The following ASTN2 variants were observed in gnomAD, a reference collection of about 807,000 sequenced individuals.
ASTN2 encodes the protein astrotactin 2.
In ASTN2, 54 loss-of-function variants were observed where a neutral mutation model predicts 139.8. The observed-to-expected ratio is 0.39, with a 90% confidence interval of 0.31 to 0.48. ASTN2 has a LOEUF of 0.48. Ranked by LOEUF, ASTN2 falls within the 20% of genes least tolerant of loss-of-function variation. The pLI, the probability that ASTN2 is intolerant of heterozygous loss-of-function variation, is 0.95. For synonymous variants in ASTN2, 756 were observed against 719.5 expected, an observed-to-expected ratio of 1.05 and a Z score of -0.81; for missense variants, 1,565 against 1,725.1, an observed-to-expected ratio of 0.91 and a Z score of 1.64.
intron 10 of ASTN2, 79 bp downstream of exon 10, chr9:116,975,129 G>T (rs1836308769): frequency 7.1e-7 from 1 of 1,412,810 alleles, no homozygotes; most frequent in South Asian, 1.7e-5. Context: ...ACTCCTTAGG[G>T]GTTCCTGTGG....
At chr9:116,915,409 C>G (rs999966064) in intron 10 of ASTN2, among the ~76,000 whole-genome samples, 2 of 151,998 alleles carry the variant, frequency 1.3e-5, no homozygotes, top group African/African-American at 4.8e-5. Context: ...CATAGAGCTC[C>G]CAAAACCCTT....
chr9:116,535,186 C>G (rs1201131902), intron 19 of ASTN2, among the ~76,000 whole-genome samples: 2 of 152,114 alleles, frequency 1.3e-5, no homozygotes, highest in Non-Finnish European at 2.9e-5. Flanking sequence ...ATTGCAACCT[C>G]TGCCTTTTTG....
At chr9:117,337,152 A>C (rs1426578577) in intron 1 of ASTN2, among the ~76,000 whole-genome samples, 1 of 152,232 alleles carries the variant, frequency 6.6e-6, no homozygotes, top group Non-Finnish European at 1.5e-5. Context: ...AAAATCACAC[A>C]TACCCTATGG....
At chr9:117,364,587 C>T (rs889493263) in intron 1 of ASTN2, among the ~76,000 whole-genome samples, 2 of 152,032 alleles carry the variant, frequency 1.3e-5, no homozygotes, top group African/African-American at 4.8e-5. Context: ...AGCTGAAGAG[C>T]GGGGTTTAAA....
chr9:116,633,523 T>C (rs1421509829), intron 17 of ASTN2, among the ~76,000 whole-genome samples: 1 of 152,232 alleles, frequency 6.6e-6, no homozygotes, highest in Non-Finnish European at 1.5e-5. Flanking sequence ...TCGTCTTTCC[T>C]GTGGTGAGAA....
intron 14 of ASTN2, among the ~76,000 whole-genome samples, chr9:116,731,786 C>T (rs1226546511): frequency 6.6e-6 from 1 of 152,150 alleles, no homozygotes; most frequent in East Asian, 1.9e-4. Context: ...AAGGACATAC[C>T]AGGATCAATG....
intron 16 of ASTN2, among the ~76,000 whole-genome samples, chr9:116,725,106 T>C (rs1170110073): frequency 1.3e-5 from 2 of 152,172 alleles, no homozygotes; most frequent in Non-Finnish European, 1.5e-5. Context: ...CAGACAAGAA[T>C]AGCTACTTAC....
intron 10 of ASTN2, among the ~76,000 whole-genome samples, chr9:116,955,671 C>A (rs1001607255): frequency 3.9e-5 from 6 of 152,200 alleles, no homozygotes; most frequent in Admixed American, 6.5e-5. Context: ...AGATTTGAAC[C>A]TCCTGCTGCT....
At position 116,511,296 on chromosome 9, in the gene ASTN2, G is replaced by A. The variant is rs548284739; in HGVS notation, c.3356-23796C>T. ...TTGTCATTGGTTCTGTTTATATGCT[G>A]GATTATGTTTATTGATTTGCATATG... On this transcript the variant is annotated intron_variant, in intron 19 of 22. Coordinates refer to ENST00000313400, the MANE Select transcript of ASTN2 (RefSeq NM_001365068.1). 2.6e-5 allele frequency among the ~76,000 whole-genome samples: 4 copies of A among 152,216 alleles called. No homozygotes were observed. In the East Asian group the frequency reaches 5.8e-4, roughly 22 times the overall value.
intron 3 of ASTN2, among the ~76,000 whole-genome samples, chr9:117,208,326 C>T (rs887328552): frequency 2.0e-5 from 3 of 151,212 alleles, no homozygotes; most frequent in Admixed American, 6.6e-5. Flanking sequence ...AAGAACCAAA[C>T]AGGAACAAAG....
At chr9:116,694,678 A>G (rs2132060882) in intron 16 of ASTN2, among the ~76,000 whole-genome samples, 1 of 141,944 alleles carries the variant, frequency 7.0e-6, no homozygotes, top group South Asian at 2.3e-4. Context: ...TCACCGTCTT[A>G]GCCAGGATGG....
At chr9:117,221,608 T>C (rs1832520364) in intron 2 of ASTN2, among the ~76,000 whole-genome samples, 1 of 145,152 alleles carries the variant, frequency 6.9e-6, no homozygotes, top group African/African-American at 2.5e-5. Context: ...AACATGCATA[T>C]TCTCTCAAGT....
intron 10 of ASTN2, among the ~76,000 whole-genome samples, chr9:116,936,180 C>CA (rs1264052454): frequency 1.4e-5 from 2 of 139,154 alleles, no homozygotes; most frequent in Admixed American, 7.2e-5. Context: ...CCAACACCAT[C>CA]GCCACCACCA....
chr9:116,703,952 T>G (rs1432490107), intron 16 of ASTN2, among the ~76,000 whole-genome samples: 1 of 152,176 alleles, frequency 6.6e-6, no homozygotes, highest in Non-Finnish European at 1.5e-5. Context: ...TGTAGCAAAA[T>G]ATACACTTAG....
In ASTN2 at chr9:117,096,115, C is replaced by A. The variant is rs1158073947; in HGVS notation, c.1205G>T (p.Gly402Val). 1.2e-6 allele frequency: 2 copies of A among 1,613,946 alleles called. No homozygotes were observed. The highest frequency in any genetic ancestry group is 2.2e-5 in the East Asian group (1 of 44,876). Reference sequence around the variant, plus strand: ...CTGAGTTTCATCGTCTGCCTCTGAGCCCGACGTCCCCTTGGCTCTCCCAAA... The same window carrying A: ...CTGAGTTTCATCGTCTGCCTCTGAGACCGACGTCCCCTTGGCTCTCCCAAA... Reference protein sequence around the residue: ...ISFGRAKGTSGSEADDETQLT... With the variant: ...ISFGRAKGTSVSEADDETQLT... The change falls in exon 5 of 23, where the codon GGC becomes GTC. Residue 402 changes from glycine to valine, a missense_variant. Coordinates refer to ENST00000313400, the MANE Select transcript of ASTN2 (RefSeq NM_001365068.1).
intron 16 of ASTN2, among the ~76,000 whole-genome samples, chr9:116,719,760 C>T (rs115493383): frequency 0.041 from 6,253 of 151,504 alleles, 451 homozygotes; most frequent in African/African-American, 0.14. Context: ...AGAGGATGAA[C>T]CTGCAGAGGA....
intron 1 of ASTN2, among the ~76,000 whole-genome samples, chr9:117,370,056 A>C (rs1829948973): frequency 6.6e-6 from 1 of 152,086 alleles, no homozygotes; most frequent in African/African-American, 2.4e-5. Context: ...CTCCCTCCAC[A>C]CTGCCACCCT....
chr9:116,623,791 C>G (rs1198638931), intron 17 of ASTN2, among the ~76,000 whole-genome samples: 2 of 152,096 alleles, frequency 1.3e-5, no homozygotes, highest in East Asian at 3.9e-4. Flanking sequence ...GAACTAAAGC[C>G]CATTTGAATC....
intron 1 of ASTN2, among the ~76,000 whole-genome samples, chr9:117,362,174 A>G (rs1011606579): frequency 3.3e-5 from 5 of 152,090 alleles, no homozygotes; most frequent in African/African-American, 1.2e-4. Flanking sequence ...GGGTTTTGCC[A>G]TGTTGGCCAG....
Sources: gnomAD v4.1 joint callset for allele counts (sites outside exome capture counted in the v4.1 genomes callset) on GRCh38, gnomAD v4.1.1 for gene constraint, MANE v1.5 for transcripts, NCBI Gene and HGNC (gene_info 2026-07-23, HGNC 2026-07-21) for gene names.